DNAI3: variants seen among roughly 807,000 people sequenced by gnomAD.
DNAI3 encodes WD repeat domain 63.
A neutral mutation model predicts 115.5 loss-of-function variants in DNAI3; 83 were observed. The ratio of observed to expected loss-of-function variants is 0.72; its 90% CI spans 0.60 to 0.86. DNAI3 has a LOEUF of 0.86. Ranked by LOEUF, DNAI3 falls within the 40% of genes least tolerant of loss-of-function variation. The probability of loss-of-function intolerance (pLI) is 0.00; values close to 1 mark genes in which losing one functional copy is unlikely to be tolerated. For synonymous variants in DNAI3, 320 were observed against 347.0 expected, an observed-to-expected ratio of 0.92 and a Z score of 0.86; for missense variants, 1,004 against 1,075.8, an observed-to-expected ratio of 0.93 and a Z score of 0.93.
In DNAI3 at chr1:85,090,111, A is replaced by G. The variant is rs181259458; in HGVS notation, c.741-5A>G. ...TTAGTATTGAATTTTCTTTTAATAT[A>G]TTAGGACATATCCTAAAAATGCTAC... is the stretch of plus-strand genomic sequence containing the variant. On this transcript the variant is annotated splice_region_variant and splice_polypyrimidine_tract_variant and intron_variant, in intron 7 of 22. Transcript: ENST00000294664. 3.4e-5 allele frequency: 51 copies of G among 1,494,712 alleles called. No individual in the cohort carries two copies. The East Asian group carries it at 7.7e-4, about 23-fold the overall frequency. The allele number at this position is 1,494,712 out of a possible 1,614,324, so 92.6% of individuals were successfully genotyped here. A position where few individuals can be genotyped will look rare whatever the true frequency, so the allele number is the denominator to read the frequency against.
chr1:85,129,168 C>G (rs550316506), intron 21 of DNAI3, among the ~76,000 whole-genome samples: 3 of 152,166 alleles, frequency 2.0e-5, no homozygotes, highest in East Asian at 1.9e-4. Flanking sequence ...TCACCCACCC[C>G]CTCCGGCTCC....
Position 85,131,054 on chromosome 1 carries a change from A to AC in DNAI3, c.2532+944dup, listed in dbSNP as rs201694575. On this transcript the variant is annotated intron_variant, in intron 22 of 22. Coordinates refer to ENST00000294664, the MANE Select transcript of DNAI3 (RefSeq NM_145172.5). The stretch of plus-strand genomic sequence containing the variant: ...TCCCTCTCTCCTTTGCTCTTTTGTT[A>AC]CCAGCATTTCATCATTGATCTCATC... 6.9e-3 allele frequency among the ~76,000 whole-genome samples: 1,045 copies of AC among 152,220 alleles called. 13 individuals are homozygous for AC. Among genetic ancestry groups the AC allele is most frequent in the African/African-American group, 0.024 (1,003 of 41,546 alleles).
At chr1:85,109,386 T>C (rs1189625778) in intron 15 of DNAI3, among the ~76,000 whole-genome samples, 1 of 152,098 alleles carries the variant, frequency 6.6e-6, no homozygotes, top group East Asian at 1.9e-4. Context: ...AACTGGGAAA[T>C]AATTGGAAAG....
At chr1:85,106,839 T>TA (rs1213398350) in intron 14 of DNAI3, among the ~76,000 whole-genome samples, 2 of 152,160 alleles carry the variant, frequency 1.3e-5, no homozygotes, top group East Asian at 3.8e-4. Flanking sequence ...ACGTGCAAAA[T>TA]ATAACGTTGG....
intron 1 of DNAI3, among the ~76,000 whole-genome samples, chr1:85,071,143 T>G (rs1405859367): frequency 6.6e-6 from 1 of 152,210 alleles, no homozygotes; most frequent in Non-Finnish European, 1.5e-5. Flanking sequence ...ATTATCCCCA[T>G]TAAATAGATG....
rs566563330 is a variant in DNAI3, at chr1:85,131,459, A to G, written c.2532+1347A>G. 1.3e-5 allele frequency among the ~76,000 whole-genome samples: 2 copies of G among 148,610 alleles called. 1 individual carries two copies. The highest frequency in any genetic ancestry group is 3.0e-5 in the Non-Finnish European group (2 of 67,348). ...AACTCCATCTCAAAAAAAAAAAAAA[A>G]AAAATAAAGCATTAGCATGTGGAAA... On this transcript the variant is annotated intron_variant, in intron 22 of 22. Transcript: ENST00000294664.
At chr1:85,083,578 T>C (rs1571164240) in intron 5 of DNAI3, among the ~76,000 whole-genome samples, 1 of 152,150 alleles carries the variant, frequency 6.6e-6, no homozygotes, top group Non-Finnish European at 1.5e-5. Flanking sequence ...ATTTTTATGA[T>C]TGTTGTTCTG....
At chr1:85,078,661 A>G (rs1654537272) in intron 3 of DNAI3, among the ~76,000 whole-genome samples, 1 of 152,116 alleles carries the variant, frequency 6.6e-6, no homozygotes, top group Non-Finnish European at 1.5e-5. Flanking sequence ...TTGGCTGGTG[A>G]CCCTTTGGGG....
chr1:85,096,106 G>T, intron 11 of DNAI3, 86 bp downstream of exon 11: 1 of 1,262,918 alleles, frequency 7.9e-7, no homozygotes. Context: ...TTGGACTTAA[G>T]GATTCAATTC....
intron 16 of DNAI3, among the ~76,000 whole-genome samples, chr1:85,113,043 A>T (rs1093461): frequency 0.013 from 2,028 of 152,270 alleles, 43 homozygotes; most frequent in African/African-American, 0.046. Flanking sequence ...TTCCAGGATT[A>T]TGGATGTGAG....
At chr1:85,109,965 C>A (rs1308941970) in intron 15 of DNAI3, 83 bp from the exon 16 acceptor site, 2 of 1,320,488 alleles carry the variant, frequency 1.5e-6, no homozygotes, top group African/African-American at 1.5e-5. Context: ...AATATGGGAG[C>A]AGAAGGGAAA....
intron 16 of DNAI3, among the ~76,000 whole-genome samples, 184 bp downstream of exon 16, chr1:85,110,319 C>T (rs1277377474): frequency 6.6e-6 from 1 of 151,548 alleles, no homozygotes; most frequent in African/African-American, 2.4e-5. Context: ...GGCTTAGTGG[C>T]GGGCGCCTGT....
At chr1:85,122,688 A>G (rs543935901) in intron 18 of DNAI3, among the ~76,000 whole-genome samples, 2 of 152,316 alleles carry the variant, frequency 1.3e-5, no homozygotes, top group East Asian at 3.9e-4. Context: ...TATCTAGTCA[A>G]TCATGCGAGT....
intron 3 of DNAI3, among the ~76,000 whole-genome samples, chr1:85,080,638 A>G (rs2100565828): frequency 6.6e-6 from 1 of 152,338 alleles, no homozygotes; most frequent in East Asian, 1.9e-4. Flanking sequence ...TGTTTTAGAA[A>G]AGTAATACAG....
intron 19 of DNAI3, among the ~76,000 whole-genome samples, chr1:85,126,007 A>G (rs779105395): frequency 6.6e-6 from 1 of 152,198 alleles, no homozygotes; most frequent in Non-Finnish European, 1.5e-5. Context: ...AGCTGAAGTC[A>G]CTTTATATGA....
chr1:85,117,934 A>C (rs1389501589), intron 17 of DNAI3, 75 bp downstream of exon 17: 1 of 1,517,268 alleles, frequency 6.6e-7, no homozygotes, highest in Non-Finnish European at 8.9e-7. Context: ...TCTACTGTAC[A>C]TTTTTGCTGT....
intron 3 of DNAI3, among the ~76,000 whole-genome samples, chr1:85,076,840 C>G (rs1334327242): frequency 6.6e-6 from 1 of 152,094 alleles, no homozygotes; most frequent in Non-Finnish European, 1.5e-5. Flanking sequence ...TTCTGTTTGC[C>G]AGAAGTGGTT....
chr1:85,132,763 G>C (rs1656377125), intron 22 of DNAI3, 92 bp from the exon 23 acceptor site: 1 of 1,475,074 alleles, frequency 6.8e-7, no homozygotes, highest in Non-Finnish European at 9.1e-7. Context: ...ACAGCAGCCA[G>C]GTCAACTATT....
chr1:85,094,533 T>G lies in DNAI3; in HGVS notation c.1151T>G (p.Phe384Cys). 6.2e-7 allele frequency: 1 copy of G among 1,614,170 alleles called. No homozygotes were observed. The highest frequency in any genetic ancestry group is 8.5e-7 in the Non-Finnish European group (1 of 1,180,020). The change falls in exon 10 of 23, where the codon TTC becomes TGC. Residue 384 changes from phenylalanine to cysteine, a missense_variant. Around this residue, in one of 3 missense-constraint regions of DNAI3, gnomAD observed 550 missense variants for 568.1 expected, o/e 0.97. Transcript: ENST00000294664. ...CCATCACTGATTCTTTTCTGGAGCTTCTCTGATCCTATACATCCTCAGGTA... is the reference window on the plus strand; with the variant it reads ...CCATCACTGATTCTTTTCTGGAGCTGCTCTGATCCTATACATCCTCAGGTA... ...LQPSLILFWS[F>C]SDPIHPQLML...
Sources: gnomAD v4.1 joint callset for allele counts (sites outside exome capture counted in the v4.1 genomes callset) on GRCh38, gnomAD v4.1.1 for gene constraint, gnomAD v4.1.1 regional missense constraint, MANE v1.5 for transcripts, NCBI Gene and HGNC (gene_info 2026-07-23, HGNC 2026-07-21) for gene names.